Variants in CNTNAP2 observed in about 807,000 individuals in gnomAD.
CNTNAP2 encodes the protein contactin-associated protein-like 2.
Under a neutral mutation model 155.2 loss-of-function variants are expected in CNTNAP2, and 98 were observed. That is an observed-to-expected ratio of 0.63 (90% CI 0.54 to 0.75). The LOEUF (loss-of-function observed/expected upper bound fraction) is 0.75. Ranked by LOEUF, CNTNAP2 falls within the 30% of genes least tolerant of loss-of-function variation. The pLI, the probability that CNTNAP2 is intolerant of heterozygous loss-of-function variation, is 0.00. For synonymous variants in CNTNAP2, 651 were observed against 631.2 expected (o/e 1.03, Z -0.47); for missense variants, 1,727 against 1,688.1 (o/e 1.02, Z -0.40).
rs571110911 is a variant in CNTNAP2, at chr7:146,542,210, G to A, written c.98-232061G>A. 6.6e-5 allele frequency among the ~76,000 whole-genome samples: 10 copies of A among 151,634 alleles called. No homozygotes were observed. In the South Asian group the frequency reaches 1.7e-3, roughly 26 times the overall value. On this transcript the variant is annotated intron_variant, in intron 1 of 23. Coordinates refer to ENST00000361727, the MANE Select transcript of CNTNAP2 (RefSeq NM_014141.6). ...GAGCTCTGGCAAATGTTTGTGTTCC[G>A]TTAGTTTAATGTGATAGAGGAAAAA...
At chr7:147,087,348 G>A (rs573192522) in intron 4 of CNTNAP2, among the ~76,000 whole-genome samples, 2 of 152,270 alleles carry the variant, frequency 1.3e-5, no homozygotes, top group African/African-American at 4.8e-5. Context: ...GGACACCGAA[G>A]AGACACATGA....
chr7:146,158,472 C>T (rs138908261), intron 1 of CNTNAP2, among the ~76,000 whole-genome samples: 256 of 152,168 alleles, frequency 1.7e-3, no homozygotes, highest in African/African-American at 5.9e-3. Context: ...TAGAACTCAT[C>T]GCAAAGAAGC....
At chr7:147,604,093 A>G (rs1801010308) in intron 12 of CNTNAP2, among the ~76,000 whole-genome samples, 1 of 152,186 alleles carries the variant, frequency 6.6e-6, no homozygotes. Context: ...AAAGACTTAA[A>G]CGTTAGACCT....
At chr7:147,651,517 T>G (rs887263451) in intron 13 of CNTNAP2, among the ~76,000 whole-genome samples, 1 of 152,184 alleles carries the variant, frequency 6.6e-6, no homozygotes, top group Non-Finnish European at 1.5e-5. Flanking sequence ...ATTTCTAGAA[T>G]AGCAATGATT....
chr7:147,412,535 C>G (rs1797122811), intron 10 of CNTNAP2, among the ~76,000 whole-genome samples: 1 of 152,162 alleles, frequency 6.6e-6, no homozygotes, highest in South Asian at 2.1e-4. Context: ...AGACTTTGAG[C>G]TTCCCAAGAA....
chr7:146,621,451 A>G (rs1417073279), intron 1 of CNTNAP2, among the ~76,000 whole-genome samples: 1 of 152,110 alleles, frequency 6.6e-6, no homozygotes, highest in East Asian at 1.9e-4. Context: ...ACATTTGGTC[A>G]TTATGCCTCC....
At chr7:147,995,609 GCTCCTGCCATT>G (rs1381415916) in intron 15 of CNTNAP2, among the ~76,000 whole-genome samples, 1 of 150,964 alleles carries the variant, frequency 6.6e-6, no homozygotes, top group Non-Finnish European at 1.5e-5. Flanking sequence ...CTCACTGCAA[GCTCCTGCCATT>G]CTCCTGCCTC....
At chr7:146,446,428 T>TA (rs150353192) in intron 1 of CNTNAP2, among the ~76,000 whole-genome samples, 1 of 151,668 alleles carries the variant, frequency 6.6e-6, no homozygotes, top group Non-Finnish European at 1.5e-5. Flanking sequence ...GAAAATAAGA[T>TA]AAAAAAAAGA....
chr7:147,104,697 A>C (rs987673401), intron 4 of CNTNAP2, among the ~76,000 whole-genome samples: 9 of 150,706 alleles, frequency 6.0e-5, no homozygotes, highest in African/African-American at 2.2e-4. Context: ...TTCTTTTATA[A>C]GTGTCTTTTA....
chr7:146,318,915 G>C (rs1354551723), intron 1 of CNTNAP2, among the ~76,000 whole-genome samples: 1 of 152,096 alleles, frequency 6.6e-6, no homozygotes, highest in Non-Finnish European at 1.5e-5. Flanking sequence ...TGAATGCTTT[G>C]TAAATATAAC....
intron 13 of CNTNAP2, among the ~76,000 whole-genome samples, chr7:147,812,016 T>A (rs765582281): frequency 5.9e-5 from 9 of 152,122 alleles, no homozygotes; most frequent in Non-Finnish European, 1.2e-4. Context: ...AATAGCAATG[T>A]TAGGGGCGAA....
intron 21 of CNTNAP2, among the ~76,000 whole-genome samples, chr7:148,314,341 A>G (rs1190487467): frequency 6.6e-6 from 1 of 152,130 alleles, no homozygotes; most frequent in African/African-American, 2.4e-5. Flanking sequence ...AATTATTTAG[A>G]TCTTGTAGGA....
intron 12 of CNTNAP2, among the ~76,000 whole-genome samples, chr7:147,618,899 G>A (rs1801343475): frequency 6.6e-6 from 1 of 152,032 alleles, no homozygotes; most frequent in South Asian, 2.1e-4. Context: ...TGAGAATATG[G>A]GGTCAGTAGT....
At chr7:147,592,335 A>G (rs1800751472) in intron 12 of CNTNAP2, among the ~76,000 whole-genome samples, 2 of 152,178 alleles carry the variant, frequency 1.3e-5, no homozygotes, top group Non-Finnish European at 2.9e-5. Flanking sequence ...ATTCAATTTT[A>G]CTAAACAAAA....
intron 8 of CNTNAP2, among the ~76,000 whole-genome samples, chr7:147,159,461 A>G (rs1467216308): frequency 6.6e-6 from 1 of 152,066 alleles, no homozygotes; most frequent in African/African-American, 2.4e-5. Flanking sequence ...TTTATCTTTG[A>G]TGTTCAGATA....
chr7:146,948,514 A>G (rs367875682), intron 3 of CNTNAP2, among the ~76,000 whole-genome samples: 1 of 152,182 alleles, frequency 6.6e-6, no homozygotes, highest in African/African-American at 2.4e-5. Flanking sequence ...GACAAAAAAA[A>G]TAGCCTTCAT....
At chr7:148,080,647 G>A (rs78638613) in intron 15 of CNTNAP2, among the ~76,000 whole-genome samples, 6,357 of 149,638 alleles carry the variant, frequency 0.042, 178 homozygotes, top group Non-Finnish European at 0.06. Context: ...AACTGATAAA[G>A]CCTGATGCAC....
chr7:147,241,854 T>C (rs1321683134), intron 8 of CNTNAP2, among the ~76,000 whole-genome samples: 1 of 152,162 alleles, frequency 6.6e-6, no homozygotes, highest in Admixed American at 6.6e-5. Flanking sequence ...GATGTTTTAG[T>C]GTAAGTATGG....
At chr7:146,520,552 A>G (rs1180909892) in intron 1 of CNTNAP2, among the ~76,000 whole-genome samples, 1 of 151,630 alleles carries the variant, frequency 6.6e-6, no homozygotes, top group African/African-American at 2.4e-5. Flanking sequence ...GATGACATAT[A>G]CTGAACAATT....
Sources: allele counts gnomAD v4.1 joint callset (sites outside exome capture counted in the v4.1 genomes callset), GRCh38; gene constraint gnomAD v4.1.1; transcripts MANE v1.5; gene names NCBI Gene and HGNC (gene_info 2026-07-23, HGNC 2026-07-21).